Variants in ERP27 observed in about 807,000 individuals in gnomAD.
The protein encoded by ERP27 is endoplasmic reticulum resident protein 27.
Under a neutral mutation model 27.7 loss-of-function variants are expected in ERP27, and 23 were observed. That is an observed-to-expected ratio of 0.83 (90% confidence interval 0.60 to 1.18). ERP27 has a LOEUF of 1.18. ERP27 is among the 50% of genes most tolerant of loss of function. ERP27 has a pLI of 0.00. For missense variants in ERP27, 363 were observed against 327.9 expected (o/e 1.11, Z -0.83); for synonymous variants, 159 against 118.3 (o/e 1.34, Z -2.23).
At chr12:14,933,172 C>G (rs1863722076) in intron 3 of ERP27, among the ~76,000 whole-genome samples, 2 of 152,170 alleles carry the variant, frequency 1.3e-5, no homozygotes, top group Admixed American at 1.3e-4. Flanking sequence ...GTTCTAGGCT[C>G]TGTGGATACA....
At chr12:14,935,717 G>A (rs12302886) in intron 2 of ERP27, among the ~76,000 whole-genome samples, 50,173 of 152,006 alleles carry the variant, frequency 0.33, 8,670 homozygotes, top group Middle Eastern at 0.41. Context: ...ATTGGTAGTG[G>A]CTTAAGATGT....
chr12:14,914,802 T>C lies in ERP27; in HGVS notation c.775-20A>G. On this transcript the variant is annotated intron_variant, in intron 6 of 6. Coordinates refer to ENST00000266397, the MANE Select transcript of ERP27 (RefSeq NM_152321.4). ...TTCTTTCTGGAAAACATTATAACAA[T>C]GATATTTAGATTAGTAAACTGAGCT... 1 of 1,603,032 alleles carries C rather than the reference T, an allele frequency of 6.2e-7. No homozygotes were observed. Among genetic ancestry groups the C allele is most frequent in the Non-Finnish European group, 8.5e-7 (1 of 1,170,730 alleles).
At chr12:14,927,715 C>G (rs1488336035) in intron 3 of ERP27, among the ~76,000 whole-genome samples, 1 of 148,692 alleles carries the variant, frequency 6.7e-6, no homozygotes, top group Non-Finnish European at 1.5e-5. Context: ...GATATTTTCC[C>G]TCTTTTACTG....
At chr12:14,932,634 A>T (rs1863713246) in intron 3 of ERP27, among the ~76,000 whole-genome samples, 2 of 152,168 alleles carry the variant, frequency 1.3e-5, no homozygotes, top group African/African-American at 4.8e-5. Flanking sequence ...TTTTAAAGAG[A>T]AGAGTGCTAT....
chr12:14,932,080 G>A (rs1863705642), intron 3 of ERP27, among the ~76,000 whole-genome samples: 1 of 152,156 alleles, frequency 6.6e-6, no homozygotes, highest in Non-Finnish European at 1.5e-5. Context: ...TTTTGGAGGT[G>A]AGTTTAGTTC....
chr12:14,914,478 G>A lies in ERP27; in HGVS notation c.*257C>T, dbSNP rs937204299. 1.7e-5 allele frequency: 8 copies of A among 476,990 alleles called. No individual in the cohort carries two copies. The highest frequency in any genetic ancestry group is 3.0e-5 in the Non-Finnish European group (8 of 270,224). The allele number at this position is 476,990 out of a possible 1,614,324, so 29.5% of individuals were successfully genotyped here. ...CAGAGTATGAATGCACGATAAGAAG[G>A]AAATTGGATAGGGAGTGAGGATATG... On this transcript the variant is annotated 3_prime_UTR_variant, in exon 7 of 7. Coordinates refer to ENST00000266397, the MANE Select transcript of ERP27 (RefSeq NM_152321.4).
At chr12:14,917,034 G>A (rs768458092) in intron 5 of ERP27, 144 bp downstream of exon 5, 5 of 871,724 alleles carry the variant, frequency 5.7e-6, no homozygotes, top group African/African-American at 1.7e-5. Flanking sequence ...TTCAAATAAT[G>A]TGATTTATTA....
At chr12:14,923,492 AATCTATCTATCT>A (rs61662382) in intron 3 of ERP27, among the ~76,000 whole-genome samples, 2 of 141,160 alleles carry the variant, frequency 1.4e-5, no homozygotes, top group Non-Finnish European at 3.1e-5. Flanking sequence ...ATCTATAATC[AATCTATCTATCT>A]ATCTATCTAT....
intron 3 of ERP27, among the ~76,000 whole-genome samples, chr12:14,925,146 C>G (rs1352030504): frequency 6.6e-6 from 1 of 152,196 alleles, no homozygotes; most frequent in Non-Finnish European, 1.5e-5. Context: ...CTTGCTTTCA[C>G]TTTACTCTGT....
chr12:14,914,616 G>T lies in ERP27; in HGVS notation c.*119C>A, dbSNP rs1268696358. The T allele has an allele frequency of 9.9e-6, 8 of 806,198 alleles. No individual in the cohort carries two copies. The highest frequency in any genetic ancestry group is 7.5e-5 in the East Asian group (3 of 40,060). The allele number at this position is 806,198 out of a possible 1,614,324, so 49.9% of individuals were successfully genotyped here. ...CACGCGTGCGTGCGTGTGTGCACGT[G>T]CGTGTGTGTGTGGTTGGCAGGCCTA... On this transcript the variant is annotated 3_prime_UTR_variant, in exon 7 of 7. Transcript: ENST00000266397.
intron 5 of ERP27, 42 bp downstream of exon 5, chr12:14,917,136 T>G (rs752623136): frequency 1.6e-5 from 26 of 1,612,562 alleles, no homozygotes; most frequent in Non-Finnish European, 2.2e-5. Context: ...CCTAGTGTCC[T>G]GGAGGTGTGT....
At chr12:14,926,952 G>A (rs1030386879) in intron 3 of ERP27, among the ~76,000 whole-genome samples, 1 of 152,108 alleles carries the variant, frequency 6.6e-6, no homozygotes, top group Non-Finnish European at 1.5e-5. Context: ...AGTATGAGAT[G>A]GAGGTGTTCA....
At position 14,915,651 on chromosome 12, in the gene ERP27, T is replaced by C; in HGVS notation, c.612A>G (p.Glu204=). The change falls in exon 6 of 7, where the codon GAA becomes GAG. Residue 204 remains glutamate, a synonymous_variant. Transcript: ENST00000266397. The stretch of plus-strand genomic sequence containing the variant: ...TGAAAAATGATATCACCTTCCCATT[T>C]TCTTTCATACCACTGTCCACCAGAA... The part of the protein sequence containing the change: ...LFILVDSGMK[E]NGKVISFFKL... The C allele has an allele frequency of 1.9e-6, 3 of 1,614,204 alleles. No individual in the cohort carries two copies. The highest frequency in any genetic ancestry group is 2.5e-6 in the Non-Finnish European group (3 of 1,180,018).
chr12:14,917,638 G>T (rs981229800), intron 4 of ERP27, among the ~76,000 whole-genome samples: 5 of 152,222 alleles, frequency 3.3e-5, no homozygotes, highest in African/African-American at 1.2e-4. Flanking sequence ...CAGCCCCAGT[G>T]TAGGGCACTC....
chr12:14,918,792 T>C (rs890166268), intron 4 of ERP27, among the ~76,000 whole-genome samples: 3 of 152,180 alleles, frequency 2.0e-5, no homozygotes, highest in Admixed American at 1.3e-4. Context: ...TTCCTAAAGA[T>C]TTCTCCGTGG....
intron 4 of ERP27, 57 bp downstream of exon 4, chr12:14,920,875 C>G: frequency 3.0e-6 from 4 of 1,353,500 alleles, no homozygotes; most frequent in Non-Finnish European, 3.2e-6. Context: ...GTTATGAAGA[C>G]CAGTACCTTC....
intron 3 of ERP27, among the ~76,000 whole-genome samples, chr12:14,921,274 C>A (rs1863499515): frequency 6.6e-6 from 1 of 152,174 alleles, no homozygotes; most frequent in African/African-American, 2.4e-5. Flanking sequence ...GAATCACAGG[C>A]CCGCATGTCA....
At chr12:14,920,899 CTGAAGGGACT>C in intron 4 of ERP27, 23 bp downstream of exon 4, 1 of 1,563,026 alleles carries the variant, frequency 6.4e-7, no homozygotes, top group South Asian at 1.1e-5. Context: ...GACTCAGGGT[CTGAAGGGACT>C]AAGAACAGGA....
At chr12:14,926,486 A>T (rs2430704) in intron 3 of ERP27, among the ~76,000 whole-genome samples, 1 of 152,178 alleles carries the variant, frequency 6.6e-6, no homozygotes, top group East Asian at 1.9e-4. Flanking sequence ...GGTTCTATGT[A>T]TTCCAAATGC....
Sources: allele counts gnomAD v4.1 joint callset (sites outside exome capture counted in the v4.1 genomes callset), GRCh38; gene constraint gnomAD v4.1.1; transcripts MANE v1.5; gene names NCBI Gene and HGNC (gene_info 2026-07-23, HGNC 2026-07-21).